PTPRD: variants seen among roughly 807,000 people sequenced by gnomAD.
PTPRD encodes receptor-type tyrosine-protein phosphatase delta.
In PTPRD, 34 loss-of-function variants were observed where a neutral mutation model predicts 214.5. The observed-to-expected ratio is 0.16, with a 90% CI of 0.12 to 0.21. PTPRD has a LOEUF of 0.21. Among genes scored for constraint, PTPRD ranks in the 10% least tolerant of loss-of-function variants. PTPRD has a pLI of 1.00. For missense variants in PTPRD, 2,545 were observed against 2,398.7 expected (o/e 1.06, Z -1.27); for synonymous variants, 1,128 against 845.7 (o/e 1.33, Z -5.79).
chr9:8,630,209 C>T (rs1399382003), intron 14 of PTPRD, among the ~76,000 whole-genome samples: 1 of 151,646 alleles, frequency 6.6e-6, no homozygotes, highest in Non-Finnish European at 1.5e-5. Flanking sequence ...CTAATGAGGC[C>T]ACTGGACGAA....
intron 3 of PTPRD, among the ~76,000 whole-genome samples, chr9:10,312,764 A>T (rs193029580): frequency 2.6e-5 from 4 of 152,030 alleles, no homozygotes; most frequent in Admixed American, 1.3e-4. Flanking sequence ...CAATCTAAGG[A>T]AATCCAAAGG....
At chr9:8,645,181 C>G (rs2096661084) in intron 12 of PTPRD, among the ~76,000 whole-genome samples, 1 of 152,164 alleles carries the variant, frequency 6.6e-6, no homozygotes, top group East Asian at 1.9e-4. Context: ...TTTTCACTAG[C>G]TAAGTGAGAA....
chr9:8,640,973 A>C (rs2096564381), intron 12 of PTPRD, among the ~76,000 whole-genome samples: 1 of 148,418 alleles, frequency 6.7e-6, no homozygotes, highest in Non-Finnish European at 1.5e-5. Flanking sequence ...TATGAGGTAG[A>C]GAGAAGACTA....
At position 9,702,671 on chromosome 9, in the gene PTPRD, G is replaced by A. The variant is rs1297936073; in HGVS notation, c.-287+31862C>T. ...AAAAACGTGTTTCTTGAAGTAGACT[G>A]CTTATGGAGGAAAAGTGGAGAAAGT... is the stretch of plus-strand genomic sequence containing the variant. On this transcript the variant is annotated intron_variant, in intron 7 of 45. Coordinates refer to ENST00000381196, the MANE Select transcript of PTPRD (RefSeq NM_002839.4). Among the ~76,000 whole-genome samples, 4 of 152,186 alleles carry A rather than the reference G, an allele frequency of 2.6e-5. No homozygotes were observed. In the South Asian group the frequency reaches 8.3e-4, roughly 31 times the overall value.
chr9:8,657,422 GC>G (rs752770226), intron 12 of PTPRD, among the ~76,000 whole-genome samples: 1 of 151,892 alleles, frequency 6.6e-6, no homozygotes, highest in Admixed American at 6.6e-5. Flanking sequence ...ACCCACCTTG[GC>G]CCCCCAAAGT....
intron 11 of PTPRD, among the ~76,000 whole-genome samples, chr9:8,748,522 C>CAAAAAAAAAAAA (rs1239091825): frequency 5.6e-4 from 21 of 37,700 alleles, no homozygotes; most frequent in South Asian, 1.8e-3. Flanking sequence ...CCTGCAACTG[C>CAAAAAAAAAAAA]AAAAAAAAAA....
chr9:8,881,130 A>G (rs193293053), intron 11 of PTPRD, among the ~76,000 whole-genome samples: 1 of 152,170 alleles, frequency 6.6e-6, no homozygotes, highest in Non-Finnish European at 1.5e-5. Flanking sequence ...TCATTTATAC[A>G]TTCTGCCTAT....
intron 3 of PTPRD, among the ~76,000 whole-genome samples, chr9:10,180,505 A>G (rs944345877): frequency 4.0e-5 from 6 of 151,590 alleles, no homozygotes; most frequent in African/African-American, 1.5e-4. Context: ...AAACTTCTCA[A>G]GAGAGTCCAT....
intron 9 of PTPRD, among the ~76,000 whole-genome samples, chr9:9,367,599 G>T (rs1159339141): frequency 6.6e-6 from 1 of 151,406 alleles, no homozygotes; most frequent in African/African-American, 2.4e-5. Context: ...ACTATCATTG[G>T]AAGTTTGGCA....
At chr9:10,298,708 A>T (rs948268479) in intron 3 of PTPRD, among the ~76,000 whole-genome samples, 10 of 152,028 alleles carry the variant, frequency 6.6e-5, no homozygotes, top group Non-Finnish European at 1.2e-4. Context: ...ATACACAGGT[A>T]TGTATATATT....
intron 35 of PTPRD, among the ~76,000 whole-genome samples, chr9:8,428,097 TGAG>T (rs2094807703): frequency 6.6e-6 from 1 of 152,164 alleles, no homozygotes; most frequent in African/African-American, 2.4e-5. Context: ...TCACACAGTT[TGAG>T]CTAGGGGCCA....
intron 5 of PTPRD, among the ~76,000 whole-genome samples, chr9:9,882,062 G>A (rs2068906527): frequency 6.6e-6 from 1 of 152,030 alleles, no homozygotes; most frequent in African/African-American, 2.4e-5. Flanking sequence ...AAAAAAGAAT[G>A]TAGACAGACT....
At chr9:10,080,293 A>G (rs2098214614) in intron 3 of PTPRD, among the ~76,000 whole-genome samples, 1 of 152,168 alleles carries the variant, frequency 6.6e-6, no homozygotes. Flanking sequence ...AAATAGAAAT[A>G]GAAATAATGA....
chr9:8,487,259 C>T (rs1461981886), intron 27 of PTPRD, among the ~76,000 whole-genome samples: 1 of 152,076 alleles, frequency 6.6e-6, no homozygotes, highest in Non-Finnish European at 1.5e-5. Context: ...AGGCTAGCTT[C>T]CAATGAATAC....
intron 2 of PTPRD, among the ~76,000 whole-genome samples, chr9:10,552,625 T>C (rs2061588433): frequency 6.6e-6 from 1 of 152,152 alleles, no homozygotes; most frequent in Non-Finnish European, 1.5e-5. Flanking sequence ...TGCTCTTTCC[T>C]CTCTCCAACT....
Position 9,525,835 on chromosome 9 carries a change from AG to A in PTPRD, c.-237+48896del, listed in dbSNP as rs1393986095. 4.6e-5 allele frequency among the ~76,000 whole-genome samples: 7 copies of A among 151,844 alleles called. No homozygotes were observed. In the South Asian group the frequency reaches 1.5e-3, roughly 32 times the overall value. ...TAAACTTTTTTTTTTTTGTACAAAC[AG>A]GGACACATGTGTCAAACACAACTTG... On this transcript the variant is annotated intron_variant, in intron 8 of 45. Coordinates refer to ENST00000381196, the MANE Select transcript of PTPRD (RefSeq NM_002839.4).
intron 9 of PTPRD, among the ~76,000 whole-genome samples, chr9:9,359,444 C>A (rs765519134): frequency 4.0e-5 from 6 of 151,256 alleles, no homozygotes; most frequent in Non-Finnish European, 7.4e-5. Context: ...AACAATCTCT[C>A]TCTTTTCATC....
chr9:8,706,338 G>C (rs1017871448), intron 12 of PTPRD, among the ~76,000 whole-genome samples: 4 of 152,084 alleles, frequency 2.6e-5, no homozygotes, highest in African/African-American at 9.7e-5. Context: ...TATTTAGTCT[G>C]ACTCGAATAT....
intron 2 of PTPRD, among the ~76,000 whole-genome samples, chr9:10,561,524 C>T (rs2063964355): frequency 6.6e-6 from 1 of 151,716 alleles, no homozygotes; most frequent in South Asian, 2.1e-4. Flanking sequence ...ATCAGTCTTT[C>T]AAAAAAAATT....
Sources: allele counts gnomAD v4.1 joint callset (sites outside exome capture counted in the v4.1 genomes callset), GRCh38; gene constraint gnomAD v4.1.1; transcripts MANE v1.5; gene names NCBI Gene and HGNC (gene_info 2026-07-23, HGNC 2026-07-21).